The following FBXO48 variants were observed in gnomAD, a reference collection of about 807,000 sequenced individuals.
FBXO48 encodes F-box only protein 48.
FBXO48 carries 12 observed loss-of-function variants against 14.3 expected under a neutral mutation model. That is an observed-to-expected ratio of 0.84 (90% CI 0.54 to 1.36). The LOEUF is 1.36. Among genes scored for constraint, FBXO48 ranks in the 40% most tolerant of loss-of-function variants. The probability of loss-of-function intolerance (pLI) is 0.00; values close to 1 mark genes in which losing one functional copy is unlikely to be tolerated. For missense variants in FBXO48, 177 were observed against 179.1 expected (o/e 0.99, Z 0.07); for synonymous variants, 53 against 61.7 (o/e 0.86, Z 0.66).
intron 3 of FBXO48, 112 bp downstream of exon 3, chr2:68,464,728 T>C (rs1675354394): frequency 1.3e-6 from 1 of 763,692 alleles, no homozygotes. Context: ...ACACACTGTC[T>C]GTGTTATTCT....
intron 1 of FBXO48, 135 bp downstream of exon 1, chr2:68,467,076 C>T (rs186408285): frequency 6.6e-6 from 1 of 152,368 alleles, no homozygotes; most frequent in African/African-American, 2.4e-5. Flanking sequence ...AGGGCACTGA[C>T]AAGTGACAAC....
rs570684235 is a variant in FBXO48 at position 68,461,857 on chromosome 2, G to C, written c.*2352C>G. 6.6e-6 allele frequency: 1 copy of C among 151,844 alleles called. No individual in the cohort carries two copies. The highest frequency in any genetic ancestry group is 6.6e-5 in the Admixed American group (1 of 15,234). 9.4% of individuals were successfully genotyped at this position (151,844 alleles called of 1,614,324 possible). On this transcript the variant is annotated 3_prime_UTR_variant, in exon 4 of 4. Coordinates refer to ENST00000377957, the MANE Select transcript of FBXO48 (RefSeq NM_001024680.3). ...CACAAGGTCAGGAGGCCAAGATGGT[G>C]AAACCCCGTTTCTACTAAAAATACA...
intron 2 of FBXO48, 54 bp downstream of exon 2, chr2:68,466,089 TA>T (rs1233500654): frequency 6.6e-6 from 1 of 152,220 alleles, no homozygotes; most frequent in Non-Finnish European, 1.5e-5. Context: ...CTCAGCTAGG[TA>T]CAGTATGTGA....
rs1240407064 is a variant in FBXO48, at chr2:68,461,425, T to C, written c.*2784A>G. 6.7e-6 allele frequency: 1 copy of C among 148,628 alleles called. No individual in the cohort carries two copies. The highest frequency in any genetic ancestry group is 1.5e-5 in the Non-Finnish European group (1 of 67,572). 9.2% of individuals were successfully genotyped at this position (148,628 alleles called of 1,614,324 possible). On this transcript the variant is annotated 3_prime_UTR_variant, in exon 4 of 4. Coordinates refer to ENST00000377957, the MANE Select transcript of FBXO48 (RefSeq NM_001024680.3). ...CATTCTCCTGCCTCAGCCTCCCGAG[T>C]AGCTGGGACTACAGGCGCCCGCCAC...
rs1208594873 is a variant in FBXO48, at chr2:68,461,778, T to G, written c.*2431A>C. 1 of 147,926 alleles carries G rather than the reference T, an allele frequency of 6.8e-6. No individual in the cohort carries two copies. Among genetic ancestry groups the G allele is most frequent in the African/African-American group, 2.5e-5 (1 of 40,070 alleles). 9.2% of individuals were successfully genotyped at this position (147,926 alleles called of 1,614,324 possible). The stretch of plus-strand genomic sequence containing the variant: ...CAAGAAAACAAAAAACCCAGCTGGG[T>G]GCGGTGGCTCATGCCTATAATCCCA... On this transcript the variant is annotated 3_prime_UTR_variant, in exon 4 of 4. Transcript: ENST00000377957.
chr2:68,464,790 G>A (rs1675356150), intron 3 of FBXO48, 50 bp downstream of exon 3: 1 of 1,391,608 alleles, frequency 7.2e-7, no homozygotes, highest in Non-Finnish European at 1.0e-6. Context: ...GCGCAAACCT[G>A]CTATCATAAC....
chr2:68,463,245 G>A lies in FBXO48; in HGVS notation c.*964C>T, dbSNP rs1051590747. ...TTTGTAGACACTTTTTTACTATGGT[G>A]GTAACCACAGATTCAGAATAAACAA... On this transcript the variant is annotated 3_prime_UTR_variant, in exon 4 of 4. Transcript: ENST00000377957. The A allele has an allele frequency of 2.0e-5, 3 of 151,908 alleles. No individual in the cohort carries two copies. The highest frequency in any genetic ancestry group is 7.3e-5 in the African/African-American group (3 of 41,354). The allele number at this position is 151,908 out of a possible 1,614,324, so 9.4% of individuals were successfully genotyped here. A position where few individuals can be genotyped will look rare whatever the true frequency, so the allele number is the denominator to read the frequency against.
Position 68,461,325 on chromosome 2 carries a change from T to C in FBXO48, c.*2884A>G, listed in dbSNP as rs1473173965. On this transcript the variant is annotated 3_prime_UTR_variant, in exon 4 of 4. Coordinates refer to ENST00000377957, the MANE Select transcript of FBXO48 (RefSeq NM_001024680.3). Reference sequence around the variant, plus strand: ...TTTTTTTTGAGACGGAGTCTCGCTCTGTCGCCCAGGCCGGACTGCGGACTG... The same window carrying C: ...TTTTTTTTGAGACGGAGTCTCGCTCCGTCGCCCAGGCCGGACTGCGGACTG... 2 of 144,584 alleles carry C rather than the reference T, an allele frequency of 1.4e-5. No individual in the cohort carries two copies. The highest frequency in any genetic ancestry group is 5.4e-5 in the African/African-American group (2 of 37,282). The allele number at this position is 144,584 out of a possible 1,614,324, so 9.0% of individuals were successfully genotyped here.
Position 68,460,148 on chromosome 2 carries a change from G to C in FBXO48, c.*4061C>G, listed in dbSNP as rs1272834723. 6.6e-6 allele frequency: 1 copy of C among 152,164 alleles called. No individual in the cohort carries two copies. The highest frequency in any genetic ancestry group is 1.5e-5 in the Non-Finnish European group (1 of 68,038). The allele number at this position is 152,164 out of a possible 1,614,324, so 9.4% of individuals were successfully genotyped here. ...GGGGAATTTTGATTTCTACCTGTATGCAGTCAGGAGTTTAAGTTAGGGTGA... is the reference window on the plus strand; with the variant it reads ...GGGGAATTTTGATTTCTACCTGTATCCAGTCAGGAGTTTAAGTTAGGGTGA... On this transcript the variant is annotated 3_prime_UTR_variant, in exon 4 of 4. Transcript: ENST00000377957.
In FBXO48 at chr2:68,460,630, T is replaced by G. The variant is rs1675236397; in HGVS notation, c.*3579A>C. On this transcript the variant is annotated 3_prime_UTR_variant, in exon 4 of 4. Transcript: ENST00000377957. ...TGGAACATCTCATGGAGATCTGATG[T>G]TGGGACACGGACATAGACGGCATTA... 6.6e-6 allele frequency: 1 copy of G among 152,048 alleles called. No homozygotes were observed. The highest frequency in any genetic ancestry group is 1.5e-5 in the Non-Finnish European group (1 of 68,024). 9.4% of individuals were successfully genotyped at this position (152,048 alleles called of 1,614,324 possible).
rs1553366251 is a variant in FBXO48, at chr2:68,464,995, C to T, written c.151G>A (p.Asp51Asn). 2 of 1,613,860 alleles carry T rather than the reference C, an allele frequency of 1.2e-6. No individual in the cohort carries two copies. Among genetic ancestry groups the T allele is most frequent in the Non-Finnish European group, 1.7e-6 (2 of 1,180,034 alleles). Reference protein sequence around the residue: ...EITFKIFSQLDIRSLCRASLT... With the variant: ...EITFKIFSQLNIRSLCRASLT... ...GAAGCCCTGCACAGACTCCGAATGT[C>T]CAGCTGACTGAAAATTTTAAAAGTG... Residue 51 changes from aspartate to asparagine, a missense_variant, in exon 3 of 4, where the codon GAC becomes AAC. Physicochemically the swap from Asp to Asn is conservative, Grantham distance 23 (BLOSUM62 1). Transcript: ENST00000377957.
In FBXO48 at chr2:68,461,725, A is replaced by G. The variant is rs548206381; in HGVS notation, c.*2484T>C. Reference sequence around the variant, plus strand: ...CTTGGACTAAACACGGAGGCTGGGAAAAACAGGATAATGTAAAAAAAAAAA... The same window carrying G: ...CTTGGACTAAACACGGAGGCTGGGAGAAACAGGATAATGTAAAAAAAAAAA... On this transcript the variant is annotated 3_prime_UTR_variant, in exon 4 of 4. Coordinates refer to ENST00000377957, the MANE Select transcript of FBXO48 (RefSeq NM_001024680.3). 6.6e-6 allele frequency: 1 copy of G among 151,816 alleles called. No individual in the cohort carries two copies. The highest frequency in any genetic ancestry group is 2.1e-4 in the South Asian group (1 of 4,798). 9.4% of individuals were successfully genotyped at this position (151,816 alleles called of 1,614,324 possible).
rs1472687387 is a variant in FBXO48 at position 68,464,278 on chromosome 2, T to G, written c.399A>C (p.Pro133=). Residue 133 remains proline (P), a synonymous_variant, in exon 4 of 4, where the codon CCA becomes CCC. Transcript: ENST00000377957. ...YSNICSPISL[P]EKIMYPMDAD... is the part of the protein sequence containing the mutation. ...CATCCATTGGGTACATGATTTTTTC[T>G]GGTAGGCTAATGGGAGAACAAATGT... 6.2e-7 allele frequency: 1 copy of G among 1,613,830 alleles called. No individual in the cohort carries two copies. The highest frequency in any genetic ancestry group is 8.5e-7 in the Non-Finnish European group (1 of 1,179,970).
At position 68,464,113 on chromosome 2, in the gene FBXO48, C is replaced by T. The variant is rs987983037; in HGVS notation, c.*96G>A. The T allele has an allele frequency of 1.8e-6, 2 of 1,081,534 alleles. No homozygotes were observed. The highest frequency in any genetic ancestry group is 1.8e-5 in the South Asian group (1 of 56,552). 67.0% of individuals were successfully genotyped at this position (1,081,534 alleles called of 1,614,324 possible). ...TTTCATTTTCTTTTAAAAAGGTGAACAACAAAATGAACGAATAAAGATATC... is the reference window on the plus strand; with the variant it reads ...TTTCATTTTCTTTTAAAAAGGTGAATAACAAAATGAACGAATAAAGATATC... On this transcript the variant is annotated 3_prime_UTR_variant, in exon 4 of 4. Coordinates refer to ENST00000377957, the MANE Select transcript of FBXO48 (RefSeq NM_001024680.3).
chr2:68,464,130 A>C lies in FBXO48; in HGVS notation c.*79T>G. ...AAGGTGAACAACAAAATGAACGAAT[A>C]AAGATATCGCTTTTGCAACCTAAGA... On this transcript the variant is annotated 3_prime_UTR_variant, in exon 4 of 4. Transcript: ENST00000377957. 2.5e-6 allele frequency: 3 copies of C among 1,192,746 alleles called. No homozygotes were observed. The highest frequency in any genetic ancestry group is 1.2e-6 in the Non-Finnish European group (1 of 839,626). 73.9% of individuals were successfully genotyped at this position (1,192,746 alleles called of 1,614,324 possible).
At chr2:68,465,478 C>T (rs912748465) in intron 2 of FBXO48, among the ~76,000 whole-genome samples, 8 of 150,228 alleles carry the variant, frequency 5.3e-5, no homozygotes, top group Admixed American at 4.6e-4. Context: ...CCTCAAACTC[C>T]AGCCTCAAGC....
At chr2:68,466,896 T>TC (rs1485736325) in intron 1 of FBXO48, among the ~76,000 whole-genome samples, 3 of 152,160 alleles carry the variant, frequency 2.0e-5, no homozygotes, top group African/African-American at 7.2e-5. Flanking sequence ...TAAAAGCTCG[T>TC]CCCCCTTTCA....
intron 2 of FBXO48, 42 bp downstream of exon 2, chr2:68,466,102 T>C (rs1180344812): frequency 2.0e-5 from 3 of 152,216 alleles, no homozygotes; most frequent in Non-Finnish European, 4.4e-5. Context: ...AGTATGTGAC[T>C]CTTTGAAGCC....
Position 68,465,125 on chromosome 2 carries a change from T to C in FBXO48, c.21A>G (p.Arg7=), listed in dbSNP as rs1384041826. The stretch of plus-strand genomic sequence containing the variant: ...TGTGAGAAACTCTTAAATTATTGTT[T>C]CTCTTGGAGTTTTTATGCATAGCTT... MHKNSK[R]NNNLRVSHTE... Residue 7 remains arginine (R), a synonymous_variant, in exon 3 of 4, where the codon AGA becomes AGG. Coordinates refer to ENST00000377957, the MANE Select transcript of FBXO48 (RefSeq NM_001024680.3). 6.2e-7 allele frequency: 1 copy of C among 1,608,456 alleles called. No homozygotes were observed. Among genetic ancestry groups the C allele is most frequent in the African/African-American group, 1.3e-5 (1 of 74,604 alleles).
Sources: allele counts gnomAD v4.1 joint callset (sites outside exome capture counted in the v4.1 genomes callset), GRCh38; gene constraint gnomAD v4.1.1; transcripts MANE v1.5; gene names NCBI Gene and HGNC (gene_info 2026-07-23, HGNC 2026-07-21).